DOCK6: variants seen among roughly 807,000 people sequenced by gnomAD.
The protein encoded by DOCK6 is dedicator of cytokinesis 6.
A neutral mutation model predicts 230.3 loss-of-function variants in DOCK6; 167 were observed. That is an observed-to-expected ratio of 0.73 (90% CI 0.64 to 0.82). The LOEUF (loss-of-function observed/expected upper bound fraction) is 0.82, where lower values mean the gene tolerates loss of function less well. Ranked by LOEUF, DOCK6 falls within the 40% of genes least tolerant of loss-of-function variation. The probability of loss-of-function intolerance (pLI) is 0.00; values close to 1 mark genes in which losing one functional copy is unlikely to be tolerated. For synonymous variants in DOCK6, 1,148 were observed against 1,185.0 expected (o/e 0.97, Z 0.64); for missense variants, 2,598 against 2,825.8 (o/e 0.92, Z 1.83).
intron 28 of DOCK6, among the ~76,000 whole-genome samples, chr19:11,219,658 C>T (rs1039678821): frequency 4.6e-5 from 7 of 151,434 alleles, no homozygotes; most frequent in Non-Finnish European, 8.8e-5. Context: ...GGCGTGGTGA[C>T]GGGCGCCTGT....
At chr19:11,227,264 T>C in intron 24 of DOCK6, 73 bp downstream of exon 24, 5 of 1,576,726 alleles carry the variant, frequency 3.2e-6, no homozygotes, top group Non-Finnish European at 4.3e-6. Context: ...CTGGGCAGGA[T>C]TGGCGCCCCC....
chr19:11,247,093 G>C (rs780781151), intron 7 of DOCK6, among the ~76,000 whole-genome samples: 2 of 152,078 alleles, frequency 1.3e-5, no homozygotes, highest in Non-Finnish European at 2.9e-5. Flanking sequence ...ATACAGTAGG[G>C]ACTTCATAAA....
intron 21 of DOCK6, among the ~76,000 whole-genome samples, chr19:11,234,755 G>C (rs1031342288): frequency 1.3e-5 from 2 of 152,156 alleles, no homozygotes; most frequent in African/African-American, 4.8e-5. Flanking sequence ...AGCTACTGAA[G>C]AGGCTTGCTG....
Position 11,252,553 on chromosome 19 carries a change from G to T in DOCK6, c.309-3C>A. 6.2e-7 allele frequency: 1 copy of T among 1,613,892 alleles called. No homozygotes were observed. The highest frequency in any genetic ancestry group is 8.5e-7 in the Non-Finnish European group (1 of 1,179,892). ...CCCTCACCTGGGCATCCAGTTTTCT[G>T]CAGCAAAAGAAGATCAGGGTAAACA... On this transcript the variant is annotated splice_polypyrimidine_tract_variant and splice_region_variant and intron_variant, in intron 3 of 47. Coordinates refer to ENST00000294618, the MANE Select transcript of DOCK6 (RefSeq NM_020812.4).
intron 22 of DOCK6, 181 bp from the exon 23 acceptor site, chr19:11,229,216 G>A (rs1487290367): frequency 1.0e-5 from 13 of 1,296,538 alleles, no homozygotes; most frequent in Non-Finnish European, 1.3e-5. Flanking sequence ...GACCCCCCTG[G>A]ACTCTGGATG....
intron 36 of DOCK6, 37 bp downstream of exon 36, chr19:11,211,956 T>C: frequency 6.5e-6 from 10 of 1,549,058 alleles, no homozygotes; most frequent in African/African-American, 1.4e-5. Context: ...GGGAGTTATA[T>C]GAAGGGGAGG....
rs1275945529 is a variant in DOCK6, at chr19:11,235,672, C to A, written c.2480G>T (p.Gly827Val). The A allele has an allele frequency of 1.3e-5, 21 of 1,602,060 alleles. No individual in the cohort carries two copies. The Admixed American group carries it at 1.7e-4, about 13-fold the overall frequency. Residue 827 changes from glycine (G) to valine (V), a missense_variant, in exon 21 of 48, where the codon GGT becomes GTT. Coordinates refer to ENST00000294618, the MANE Select transcript of DOCK6 (RefSeq NM_020812.4). ...RSLEAAQDAR[G>V]HCPQLAAYVH... ...GTAGGCAGCCAGCTGTGGGCAGTGA[C>A]CGCGGGCATCCTGGGCTGCCTCCAG...
At chr19:11,235,424 T>A (rs779190620) in intron 21 of DOCK6, among the ~76,000 whole-genome samples, 174 bp downstream of exon 21, 6 of 152,176 alleles carry the variant, frequency 3.9e-5, no homozygotes, top group Admixed American at 1.3e-4. Context: ...CTAATTTTTG[T>A]ATTTTTAGTA....
intron 1 of DOCK6, among the ~76,000 whole-genome samples, chr19:11,259,683 G>T (rs573463762): frequency 6.8e-6 from 1 of 147,032 alleles, no homozygotes; most frequent in African/African-American, 2.5e-5. Flanking sequence ...TAAGCCTCCC[G>T]AGTAGCTGGG....
At chr19:11,230,811 T>A (rs892408928) in intron 22 of DOCK6, among the ~76,000 whole-genome samples, 4 of 151,968 alleles carry the variant, frequency 2.6e-5, no homozygotes, top group Non-Finnish European at 5.9e-5. Flanking sequence ...AGTATCCCCA[T>A]CTGTGAAATG....
Position 11,202,789 on chromosome 19 carries a change from T to G in DOCK6, c.5236-80A>C, listed in dbSNP as rs115703976. The G allele has an allele frequency of 1.2e-3, 1,938 of 1,600,334 alleles. 24 individuals are homozygous for G. The African/African-American group carries it at 0.023, about 19-fold the overall frequency. ...CTGCCCCAGAGATAGGTGTCTCGAA[T>G]ATCAGGATGGGAGTGTGAGGACCCC... On this transcript the variant is annotated intron_variant, in intron 41 of 47. Coordinates refer to ENST00000294618, the MANE Select transcript of DOCK6 (RefSeq NM_020812.4). This position sits in a 1 kb window ranked among gnomAD's most constrained non-coding sequence, Gnocchi z 5.3.
intron 14 of DOCK6, chr19:11,240,258 T>C: frequency 6.3e-7 from 1 of 1,585,176 alleles, no homozygotes; most frequent in Non-Finnish European, 8.6e-7. Context: ...GAGGAGCGCC[T>C]GGCTGGGCCC....
rs1474306385 is a variant in DOCK6, at chr19:11,238,225, G to A, written c.1723C>T (p.Gln575Ter). The change falls in exon 15 of 48, where the codon CAG (glutamine) becomes TAG (stop). Residue 575 changes from glutamine (Q) to a stop codon, truncating the protein, a stop_gained. Coordinates refer to ENST00000294618, the MANE Select transcript of DOCK6 (RefSeq NM_020812.4). LOFTEE classifies it high-confidence loss of function. ...CTGGGGTCCTCGCCTGTCATGTACT[G>A]CACTCGCACAGCAAGGTTGCGCACG... ...GSVRNLAVRV[Q>*]YMTGEDPSQA... 1.2e-6 allele frequency: 2 copies of A among 1,613,658 alleles called. No homozygotes were observed. Among genetic ancestry groups the A allele is most frequent in the African/African-American group, 1.3e-5 (1 of 75,028 alleles).
At chr19:11,232,897 G>A (rs2079790238) in intron 22 of DOCK6, among the ~76,000 whole-genome samples, 1 of 152,012 alleles carries the variant, frequency 6.6e-6, no homozygotes, top group Admixed American at 6.6e-5. Flanking sequence ...ATATGCACCT[G>A]TGTAGGTATA....
In DOCK6 at chr19:11,214,627, C is replaced by T. The variant is rs905578988; in HGVS notation, c.4129G>A (p.Glu1377Lys). ...GCCAGGTTCCCTTCCACCAAGGCCT[C>T]GTGTTCCATTTCATCCTTGGTCCTG... is the stretch of plus-strand genomic sequence containing the variant. ...VDKTKDEMEH[E>K]ALVEGNLATE... Residue 1377 changes from glutamate (E) to lysine (K), a missense_variant, in exon 33 of 48, where the codon GAG (glutamate) becomes AAG (lysine). Physicochemically the swap from Glu to Lys is moderately conservative, Grantham distance 56 (BLOSUM62 1). Transcript: ENST00000294618. 6.8e-6 allele frequency: 11 copies of T among 1,613,584 alleles called. No individual in the cohort carries two copies. The highest frequency in any genetic ancestry group is 4.5e-5 in the East Asian group (2 of 44,880).
chr19:11,202,643 C>T lies in DOCK6; in HGVS notation c.5302G>A (p.Glu1768Lys). The change falls in exon 42 of 48, where the codon GAG becomes AAG. Residue 1768 changes from glutamate (E) to lysine (K), a missense_variant. Glu to Lys is a moderately conservative substitution (Grantham distance 56). Transcript: ENST00000294618. The surrounding 1 kb of genome is among the most constrained non-coding windows in gnomAD (Gnocchi z 5.3). ...GAHFGDLDEQ[E>K]FVYKEPSITK... ...ATCGATGGCTCCTTGTACACAAACT[C>T]CTGCTCATCCAGGTCACCGAAGTGG... is the stretch of plus-strand genomic sequence containing the variant. The T allele has an allele frequency of 6.2e-7, 1 of 1,614,056 alleles. No individual in the cohort carries two copies.
At chr19:11,205,072 A>G (rs564775439) in intron 39 of DOCK6, among the ~76,000 whole-genome samples, 4 of 152,176 alleles carry the variant, frequency 2.6e-5, no homozygotes, top group South Asian at 2.1e-4. Flanking sequence ...GCATGTGGTA[A>G]TATGCCCCTC....
chr19:11,202,199 G>A lies in DOCK6; in HGVS notation c.5452-74C>T, dbSNP rs1379181020. ...CCCAAGCCCTGTTCCTGGAGAGAGG[G>A]GATCTGGGGACTTTGTCATTTCCAA... On this transcript the variant is annotated intron_variant, in intron 43 of 47. Transcript: ENST00000294618. The surrounding 1 kb of genome is among the most constrained non-coding windows in gnomAD (Gnocchi z 5.3). The A allele has an allele frequency of 6.7e-6, 10 of 1,503,192 alleles. No individual in the cohort carries two copies. Among genetic ancestry groups the A allele is most frequent in the South Asian group, 1.2e-5 (1 of 85,334 alleles). 93.1% of individuals were successfully genotyped at this position (1,503,192 alleles called of 1,614,324 possible). A position where few individuals can be genotyped will look rare whatever the true frequency, so the allele number is the denominator to read the frequency against.
At chr19:11,204,543 CT>C (rs1739853384) in intron 39 of DOCK6, among the ~76,000 whole-genome samples, 1 of 151,868 alleles carries the variant, frequency 6.6e-6, no homozygotes, top group Admixed American at 6.6e-5. Context: ...TGCTACTTAT[CT>C]TTTTTGTTTT....
Sources: allele counts gnomAD v4.1 joint callset (sites outside exome capture counted in the v4.1 genomes callset), GRCh38; gene constraint gnomAD v4.1.1; non-coding constraint Gnocchi (gnomAD v3.1); transcripts MANE v1.5; gene names NCBI Gene and HGNC (gene_info 2026-07-23, HGNC 2026-07-21).